The following CCDC30 variants were observed in gnomAD, a reference collection of about 807,000 sequenced individuals.
CCDC30 encodes coiled-coil domain-containing protein 30.
A neutral mutation model predicts 100.2 loss-of-function variants in CCDC30; 70 were observed. The observed-to-expected ratio is 0.70, with a 90% confidence interval of 0.58 to 0.85. The LOEUF is 0.85. CCDC30 is among the 40% of genes least tolerant of loss of function. The pLI is 0.00. For synonymous variants in CCDC30, 233 were observed against 269.5 expected (o/e 0.86, Z 1.33); for missense variants, 652 against 771.2 (o/e 0.85, Z 1.83).
At chr1:42,644,801 A>G (rs1197689247) in exon 14 of CCDC30, 2 of 1,599,838 alleles carry the variant, frequency 1.3e-6, no homozygotes, top group Non-Finnish European at 1.7e-6. Context: ...ATATTCGCAG[A>G]GGAGAGGTAA....
intron 11 of CCDC30, among the ~76,000 whole-genome samples, chr1:42,634,464 G>C (rs1490923429): frequency 6.6e-6 from 1 of 152,106 alleles, no homozygotes; most frequent in Non-Finnish European, 1.5e-5. Context: ...GAACAATGCA[G>C]AGGTTTGTTT....
At chr1:42,640,843 G>A (rs528300184) in intron 12 of CCDC30, among the ~76,000 whole-genome samples, 21 of 152,036 alleles carry the variant, frequency 1.4e-4, no homozygotes, top group East Asian at 5.8e-4. Context: ...GCAGTGAGCC[G>A]AGATTGCACC....
At chr1:42,652,104 G>A (rs1322234086) in intron 15 of CCDC30, among the ~76,000 whole-genome samples, 2 of 151,972 alleles carry the variant, frequency 1.3e-5, no homozygotes, top group Non-Finnish European at 2.9e-5. Flanking sequence ...TGAAAATGTG[G>A]TATATATATA....
At chr1:42,551,966 A>G (rs543444882) in intron 6 of CCDC30, among the ~76,000 whole-genome samples, 302 of 151,822 alleles carry the variant, frequency 2.0e-3, no homozygotes, top group African/African-American at 2.9e-3. Context: ...AGGTTTCCCT[A>G]TGTTGCCCAG....
chr1:42,542,539 CTTTT>C (rs58751072), intron 6 of CCDC30, among the ~76,000 whole-genome samples: 6 of 75,574 alleles, frequency 7.9e-5, no homozygotes, highest in African/African-American at 1.9e-4. Flanking sequence ...TTAAATTTTT[CTTTT>C]TTTTTTTTTT....
At chr1:42,488,479 A>G (rs997708290) in intron 3 of CCDC30, among the ~76,000 whole-genome samples, 7 of 151,980 alleles carry the variant, frequency 4.6e-5, no homozygotes, top group Non-Finnish European at 1.5e-5. Context: ...ACAGTTGGCT[A>G]AGTTTTAAAT....
the CCDC30 span, chr1:42,456,583 G>T: frequency 6.7e-7 from 1 of 1,493,266 alleles, no homozygotes; most frequent in Non-Finnish European, 8.9e-7. Flanking sequence ...AAATGGATCC[G>T]GTAGCCGAGT....
chr1:42,456,605 C>T, the CCDC30 span: 1 of 1,522,800 alleles, frequency 6.6e-7, no homozygotes, highest in South Asian at 1.3e-5. Flanking sequence ...CCCCCAGCCT[C>T]CCGGTGCTGC....
At chr1:42,617,673 C>T (rs1257063639) in intron 11 of CCDC30, among the ~76,000 whole-genome samples, 1 of 152,150 alleles carries the variant, frequency 6.6e-6, no homozygotes, top group Non-Finnish European at 1.5e-5. Flanking sequence ...TGAAGCTGTC[C>T]TCTTGCACTG....
chr1:42,471,617 C>T (rs1643772418), intron 1 of CCDC30, among the ~76,000 whole-genome samples: 1 of 152,128 alleles, frequency 6.6e-6, no homozygotes, highest in Non-Finnish European at 1.5e-5. Flanking sequence ...CCACAAATAA[C>T]TGTATGATGC....
intron 6 of CCDC30, chr1:42,545,499 T>C (rs753722540): frequency 1.2e-6 from 2 of 1,606,594 alleles, no homozygotes; most frequent in Non-Finnish European, 8.5e-7. Flanking sequence ...CAAGTGAAAA[T>C]ACCTGTAAAG....
At chr1:42,484,031 T>C (rs1305942525) in intron 3 of CCDC30, among the ~76,000 whole-genome samples, 1 of 151,826 alleles carries the variant, frequency 6.6e-6, no homozygotes, top group Non-Finnish European at 1.5e-5. Flanking sequence ...CTGATTCTTT[T>C]ACAAATGCAA....
At chr1:42,457,485 C>T in the CCDC30 span, 3 of 730,790 alleles carry the variant, frequency 4.1e-6, no homozygotes, top group African/African-American at 1.8e-5. Flanking sequence ...AAGACACCGC[C>T]CTCCCTCATG....
chr1:42,467,777 AT>A (rs1195399240), intron 1 of CCDC30: 4 of 152,224 alleles, frequency 2.6e-5, no homozygotes, highest in Non-Finnish European at 5.9e-5. Context: ...AATGGGGAAA[AT>A]ACAGGTAACT....
chr1:42,598,741 G>A (rs567124671), intron 10 of CCDC30, among the ~76,000 whole-genome samples: 2 of 152,096 alleles, frequency 1.3e-5, no homozygotes, highest in South Asian at 4.2e-4. Context: ...CAGGGTGACA[G>A]AGTGAGACCC....
chr1:42,467,566 A>G (rs1643629066), intron 1 of CCDC30, among the ~76,000 whole-genome samples: 1 of 152,152 alleles, frequency 6.6e-6, no homozygotes, highest in Non-Finnish European at 1.5e-5. Context: ...GGAAAGATGA[A>G]TGGGTTGTTC....
exon 17 of CCDC30, chr1:42,654,035 T>C (rs767306970): frequency 1.2e-6 from 2 of 1,605,706 alleles, no homozygotes; most frequent in Non-Finnish European, 1.7e-6. Context: ...ATAAAATCAC[T>C]GGTGCCTAAA....
At chr1:42,500,420 T>TA (rs1346153831) in intron 6 of CCDC30, 19 of 290,542 alleles carry the variant, frequency 6.5e-5, no homozygotes. Context: ...GAGTTCTCTC[T>TA]TTTTTTTTTT....
At chr1:42,576,200 G>A (rs1433726968) in intron 7 of CCDC30, among the ~76,000 whole-genome samples, 1 of 152,244 alleles carries the variant, frequency 6.6e-6, no homozygotes, top group East Asian at 1.9e-4. Context: ...GGAAGTGGTA[G>A]GACCAGTGCA....
Sources: allele counts gnomAD v4.1 joint callset (sites outside exome capture counted in the v4.1 genomes callset), GRCh38; gene constraint gnomAD v4.1.1; transcripts MANE v1.5; gene names NCBI Gene and HGNC (gene_info 2026-07-23, HGNC 2026-07-21).